Variants in GUCY1A2 observed in about 807,000 individuals in gnomAD.
The protein encoded by GUCY1A2 is guanylate cyclase 1 soluble subunit alpha 2.
GUCY1A2 carries 27 observed loss-of-function variants against 63.5 expected under a neutral mutation model. The observed-to-expected ratio is 0.43, with a 90% confidence interval of 0.31 to 0.59. The LOEUF is 0.59. GUCY1A2 is among the 20% of genes least tolerant of loss of function. GUCY1A2 has a pLI of 0.11. For missense variants in GUCY1A2, 768 were observed against 913.3 expected (o/e 0.84, Z 2.05); for synonymous variants, 364 against 343.5 (o/e 1.06, Z -0.66).
chr11:106,739,217 G>A (rs1323871118), intron 6 of GUCY1A2, among the ~76,000 whole-genome samples: 1 of 152,174 alleles, frequency 6.6e-6, no homozygotes, highest in African/African-American at 2.4e-5. Context: ...GTATAGGAAT[G>A]CTTGTGATTT....
chr11:106,775,614 T>C (rs1340109436), intron 6 of GUCY1A2, among the ~76,000 whole-genome samples: 3 of 152,174 alleles, frequency 2.0e-5, no homozygotes, highest in African/African-American at 7.2e-5. Flanking sequence ...TTTAATCAGA[T>C]GGATTGTTCA....
At chr11:106,702,634 T>C (rs906564809) in intron 7 of GUCY1A2, among the ~76,000 whole-genome samples, 4 of 152,122 alleles carry the variant, frequency 2.6e-5, no homozygotes, top group African/African-American at 9.7e-5. Context: ...AAAAATCCTT[T>C]ACAGGCCAGA....
At chr11:106,757,061 T>C (rs1863988105) in intron 6 of GUCY1A2, among the ~76,000 whole-genome samples, 1 of 152,220 alleles carries the variant, frequency 6.6e-6, no homozygotes, top group Non-Finnish European at 1.5e-5. Flanking sequence ...TACTCTTTTT[T>C]CTCTAATCTT....
At chr11:106,879,896 A>G (rs1859800450) in intron 4 of GUCY1A2, among the ~76,000 whole-genome samples, 1 of 152,094 alleles carries the variant, frequency 6.6e-6, no homozygotes, top group Non-Finnish European at 1.5e-5. Context: ...ATTAAGGTAG[A>G]GCTATATGCT....
At chr11:106,867,598 A>C (rs1310231042) in intron 4 of GUCY1A2, among the ~76,000 whole-genome samples, 11 of 152,238 alleles carry the variant, frequency 7.2e-5, no homozygotes, top group Non-Finnish European at 1.6e-4. Context: ...ATTTAATATA[A>C]GATGAAATAA....
chr11:106,927,242 G>A (rs893249297), intron 4 of GUCY1A2, among the ~76,000 whole-genome samples: 20 of 151,302 alleles, frequency 1.3e-4, no homozygotes, highest in African/African-American at 2.9e-4. Context: ...GCGTGGTGGC[G>A]GGCGCCTGTA....
intron 1 of GUCY1A2, 130 bp from the exon 2 acceptor site, chr11:106,986,261 CA>C (rs1448526534): frequency 9.4e-6 from 5 of 533,232 alleles, no homozygotes; most frequent in Non-Finnish European, 1.7e-5. Context: ...AGTATTAACC[CA>C]TTTTGCATCA....
At chr11:106,871,037 T>C (rs986200583) in intron 4 of GUCY1A2, among the ~76,000 whole-genome samples, 4 of 151,850 alleles carry the variant, frequency 2.6e-5, no homozygotes, top group African/African-American at 9.7e-5. Context: ...ATTTCCAGTG[T>C]CTAGCTTAGT....
chr11:106,735,300 C>A lies in GUCY1A2; in HGVS notation c.1837-26634G>T, dbSNP rs150308096. 9.9e-4 allele frequency among the ~76,000 whole-genome samples: 151 copies of A among 152,162 alleles called. 3 individuals are homozygous for A. In the East Asian group the frequency reaches 0.017, roughly 17 times the overall value. On this transcript the variant is annotated intron_variant, in intron 6 of 7. Transcript: ENST00000526355. ...CATTTTCCTCTCTCCTTTCCAGTAC[C>A]CTTTCCAGTCTCTGGTAACCATCAT...
chr11:106,798,953 T>C (rs929364633), intron 5 of GUCY1A2, among the ~76,000 whole-genome samples: 24 of 152,126 alleles, frequency 1.6e-4, no homozygotes, highest in African/African-American at 5.8e-4. Flanking sequence ...GGTATTCAAT[T>C]AGGAAGAGAG....
At chr11:106,875,279 T>C (rs1488352663) in intron 4 of GUCY1A2, among the ~76,000 whole-genome samples, 4 of 152,024 alleles carry the variant, frequency 2.6e-5, no homozygotes, top group African/African-American at 7.2e-5. Context: ...CTCAACACCA[T>C]GACAAACATG....
intron 6 of GUCY1A2, among the ~76,000 whole-genome samples, chr11:106,756,608 C>G (rs1403593420): frequency 1.3e-5 from 2 of 152,156 alleles, no homozygotes; most frequent in East Asian, 3.9e-4. Flanking sequence ...ACTTATGAAG[C>G]TTAGTTTGGC....
At chr11:106,698,338 G>A (rs1369730977) in intron 7 of GUCY1A2, among the ~76,000 whole-genome samples, 2 of 151,064 alleles carry the variant, frequency 1.3e-5, no homozygotes, top group Admixed American at 1.3e-4. Context: ...GCCCAGACTG[G>A]TCTCAAACTC....
chr11:106,740,132 C>T (rs1825837), intron 6 of GUCY1A2, among the ~76,000 whole-genome samples: 2 of 151,666 alleles, frequency 1.3e-5, no homozygotes, highest in African/African-American at 4.9e-5. Context: ...CCAAGTAGCT[C>T]GGATTACAGG....
chr11:107,015,584 A>C (rs1244196152), intron 1 of GUCY1A2, among the ~76,000 whole-genome samples: 1 of 148,644 alleles, frequency 6.7e-6, no homozygotes, highest in Non-Finnish European at 1.5e-5. Context: ...AAAAAAAAAA[A>C]AAAAAAAAAA....
intron 4 of GUCY1A2, among the ~76,000 whole-genome samples, chr11:106,857,337 C>G (rs534055732): frequency 6.6e-6 from 1 of 152,252 alleles, no homozygotes; most frequent in South Asian, 2.1e-4. Flanking sequence ...AGGCTCTAAT[C>G]TCATTCCTGA....
At chr11:106,949,383 A>G (rs1318515063) in intron 3 of GUCY1A2, among the ~76,000 whole-genome samples, 1 of 152,162 alleles carries the variant, frequency 6.6e-6, no homozygotes, top group Non-Finnish European at 1.5e-5. Flanking sequence ...TTTCCTGAAC[A>G]TGCTCAACAA....
intron 3 of GUCY1A2, among the ~76,000 whole-genome samples, chr11:106,962,469 C>T (rs983675592): frequency 3.3e-5 from 5 of 150,774 alleles, no homozygotes; most frequent in Admixed American, 1.3e-4. Context: ...GCAGGAGAAT[C>T]GCTTAAACCC....
chr11:106,859,476 T>C (rs969899226), intron 4 of GUCY1A2, among the ~76,000 whole-genome samples: 2 of 151,998 alleles, frequency 1.3e-5, no homozygotes, highest in South Asian at 4.1e-4. Flanking sequence ...AATTGTACAA[T>C]AGATTTAATT....
Sources: gnomAD v4.1 joint callset for allele counts (sites outside exome capture counted in the v4.1 genomes callset) on GRCh38, gnomAD v4.1.1 for gene constraint, MANE v1.5 for transcripts, NCBI Gene and HGNC (gene_info 2026-07-23, HGNC 2026-07-21) for gene names.